PNPLA8: variants seen among roughly 807,000 people sequenced by gnomAD.
PNPLA8 encodes the protein patatin like domain 8, phospholipase A2.
PNPLA8 carries 39 observed loss-of-function variants against 76.9 expected under a neutral mutation model. The ratio of observed to expected loss-of-function variants is 0.51; its 90% confidence interval spans 0.39 to 0.66. PNPLA8 has a LOEUF of 0.66. PNPLA8 is among the 30% of genes least tolerant of loss of function. The pLI, the probability that PNPLA8 is intolerant of heterozygous loss-of-function variation, is 0.00. For missense variants in PNPLA8, 887 were observed against 918.0 expected (o/e 0.97, Z 0.44); for synonymous variants, 301 against 307.9 (o/e 0.98, Z 0.24).
intron 8 of PNPLA8, among the ~76,000 whole-genome samples, chr7:108,490,534 A>C (rs1420735217): frequency 6.6e-6 from 1 of 152,270 alleles, no homozygotes; most frequent in Admixed American, 6.5e-5. Flanking sequence ...CCGTAATCCC[A>C]GCACTTTGGG....
intron 9 of PNPLA8, among the ~76,000 whole-genome samples, chr7:108,484,096 T>C (rs1244107679): frequency 6.6e-6 from 1 of 152,124 alleles, no homozygotes; most frequent in Non-Finnish European, 1.5e-5. Context: ...GCAAACAAAT[T>C]TTAGCAAGAA....
chr7:108,493,869 T>C (rs775771574), intron 7 of PNPLA8, among the ~76,000 whole-genome samples: 1 of 152,060 alleles, frequency 6.6e-6, no homozygotes, highest in African/African-American at 2.4e-5. Flanking sequence ...GAGAAAAGAT[T>C]TGCTATGCTG....
chr7:108,480,973 C>G (rs1409243492), intron 9 of PNPLA8, among the ~76,000 whole-genome samples: 2 of 137,956 alleles, frequency 1.4e-5, no homozygotes, highest in African/African-American at 5.5e-5. Flanking sequence ...TGGAATAATA[C>G]AGTATGGGAC....
At position 108,515,463 on chromosome 7, in the gene PNPLA8, T is replaced by C. The variant is rs374392695; in HGVS notation, c.29A>G (p.Tyr10Cys). Residue 10 changes from tyrosine (Y) to cysteine (C), a missense_variant, in exon 3 of 11, where the codon TAT becomes TGT. By Grantham distance (194) the Tyr-to-Cys change is radical. Transcript: ENST00000257694. MSINLTVDI[Y>C]IYLLSNARSV... The stretch of plus-strand genomic sequence containing the variant: ...TCTTGCATTACTAAGGAGGTAAATA[T>C]ATATATCTACAGTCAGATTAATAGA... 1.9e-6 allele frequency: 3 copies of C among 1,557,930 alleles called. No individual in the cohort carries two copies. Among genetic ancestry groups the C allele is most frequent in the Non-Finnish European group, 8.7e-7 (1 of 1,153,236 alleles).
At chr7:108,523,207 G>A (rs1863864684) in intron 1 of PNPLA8, among the ~76,000 whole-genome samples, 1 of 152,204 alleles carries the variant, frequency 6.6e-6, no homozygotes, top group Non-Finnish European at 1.5e-5. Flanking sequence ...TTGTTAGATG[G>A]AGACCCAGCT....
intron 4 of PNPLA8, among the ~76,000 whole-genome samples, chr7:108,511,979 C>T (rs1456187352): frequency 6.6e-6 from 1 of 152,164 alleles, no homozygotes; most frequent in Non-Finnish European, 1.5e-5. Flanking sequence ...CCCATGCAAT[C>T]GGACAGGATA....
rs1235620945 is a variant in PNPLA8 at position 108,487,911 on chromosome 7, T to G, written c.1726A>C (p.Lys576Gln). The G allele has an allele frequency of 2.5e-6, 4 of 1,613,512 alleles. No homozygotes were observed. The highest frequency in any genetic ancestry group is 3.4e-6 in the Non-Finnish European group (4 of 1,179,520). ...STIVNRGITP[K>Q]AFVFRNYGHF... is the part of the protein sequence containing the mutation. ...CCATAGTTTCTGAACACAAAAGCTT[T>G]GGGTGTTATCCCTCTATTTACTATG... Residue 576 changes from lysine to glutamine, a missense_variant, in exon 9 of 11, where the codon AAA (lysine) becomes CAA (glutamine). By Grantham distance (53) the Lys-to-Gln change is moderately conservative. Transcript: ENST00000257694.
At chr7:108,509,132 C>T (rs1237230786) in intron 4 of PNPLA8, among the ~76,000 whole-genome samples, 2 of 106,854 alleles carry the variant, frequency 1.9e-5, no homozygotes, top group African/African-American at 8.4e-5. Flanking sequence ...ACTTCATGTC[C>T]AAAACACCAA....
intron 1 of PNPLA8, among the ~76,000 whole-genome samples, chr7:108,522,022 G>A (rs540446226): frequency 1.4e-4 from 21 of 152,230 alleles, no homozygotes; most frequent in Admixed American, 7.2e-4. Flanking sequence ...CAGGCCGGGC[G>A]TGGTGGCTCA....
At chr7:108,503,885 G>C (rs1391184001) in intron 4 of PNPLA8, among the ~76,000 whole-genome samples, 2 of 152,074 alleles carry the variant, frequency 1.3e-5, no homozygotes, top group African/African-American at 4.8e-5. Context: ...AGACCTGAAG[G>C]GCTTCAAACA....
At chr7:108,518,754 T>TAC (rs1408896219) in intron 2 of PNPLA8, among the ~76,000 whole-genome samples, 6 of 126,488 alleles carry the variant, frequency 4.7e-5, no homozygotes, top group African/African-American at 1.8e-4. Flanking sequence ...TATATATATA[T>TAC]ATATACACAC....
chr7:108,490,183 G>C (rs780842567), intron 8 of PNPLA8, among the ~76,000 whole-genome samples: 6 of 138,582 alleles, frequency 4.3e-5, no homozygotes, highest in Non-Finnish European at 8.0e-5. Flanking sequence ...ATAGTCACCT[G>C]CTGTACAGGT....
In PNPLA8 at chr7:108,515,439, C is replaced by G. The variant is rs368950701; in HGVS notation, c.53G>C (p.Arg18Thr). 6.9e-6 allele frequency: 11 copies of G among 1,601,690 alleles called. No homozygotes were observed. Among genetic ancestry groups the G allele is most frequent in the Admixed American group, 1.7e-5 (1 of 57,374 alleles). The change falls in exon 3 of 11, where the codon AGA becomes ACA. Residue 18 changes from arginine (R) to threonine (T), a missense_variant. Arg to Thr is a moderately conservative substitution (Grantham distance 71, BLOSUM62 -1). Transcript: ENST00000257694. ...DIYIYLLSNA[R>T]SVCGKQRSKQ... Reference sequence around the variant, plus strand: ...GCTTCTCTGCTTCCCACAAACACTTCTTGCATTACTAAGGAGGTAAATATA... The same window carrying G: ...GCTTCTCTGCTTCCCACAAACACTTGTTGCATTACTAAGGAGGTAAATATA...
intron 10 of PNPLA8, among the ~76,000 whole-genome samples, chr7:108,478,900 C>T (rs957433390): frequency 1.3e-5 from 2 of 152,198 alleles, no homozygotes; most frequent in Non-Finnish European, 2.9e-5. Flanking sequence ...TAACTGGCTT[C>T]AGAGTCTCCA....
At chr7:108,525,147 T>C (rs564905765) in intron 1 of PNPLA8, among the ~76,000 whole-genome samples, 2 of 152,230 alleles carry the variant, frequency 1.3e-5, no homozygotes, top group East Asian at 3.8e-4. Context: ...GTTCTTATAT[T>C]GAAAGGACAA....
chr7:108,492,579 G>A (rs1861259904), intron 7 of PNPLA8, among the ~76,000 whole-genome samples: 1 of 151,602 alleles, frequency 6.6e-6, no homozygotes, highest in Non-Finnish European at 1.5e-5. Flanking sequence ...TGTAAAAAAA[G>A]CAATGGTAAT....
In PNPLA8 at chr7:108,487,913, G is replaced by C; in HGVS notation, c.1724C>G (p.Pro575Arg). 6.2e-7 allele frequency: 1 copy of C among 1,612,788 alleles called. No individual in the cohort carries two copies. The highest frequency in any genetic ancestry group is 8.5e-7 in the Non-Finnish European group (1 of 1,179,152). Residue 575 changes from proline (P) to arginine (R), a missense_variant, in exon 9 of 11, where the codon CCC becomes CGC. Pro to Arg is a moderately radical substitution (Grantham distance 103). Coordinates refer to ENST00000257694, the MANE Select transcript of PNPLA8 (RefSeq NM_001256007.3). ...VSTIVNRGIT[P>R]KAFVFRNYGH... ...ATAGTTTCTGAACACAAAAGCTTTG[G>C]GTGTTATCCCTCTATTTACTATGGT...
At chr7:108,510,723 A>G in intron 4 of PNPLA8, 3 of 1,600,808 alleles carry the variant, frequency 1.9e-6, no homozygotes, top group Non-Finnish European at 2.5e-6. Flanking sequence ...ATCAATAAGA[A>G]GCGAATTGCT....
chr7:108,491,138 C>A (rs1052723656), intron 8 of PNPLA8, among the ~76,000 whole-genome samples: 3 of 152,038 alleles, frequency 2.0e-5, no homozygotes, highest in African/African-American at 7.3e-5. Flanking sequence ...AACCCTGTCT[C>A]TACTAAAAAT....
Sources: allele counts gnomAD v4.1 joint callset (sites outside exome capture counted in the v4.1 genomes callset), GRCh38; gene constraint gnomAD v4.1.1; transcripts MANE v1.5; gene names NCBI Gene and HGNC (gene_info 2026-07-23, HGNC 2026-07-21).